The following ARB2A variants were observed in gnomAD, a reference collection of about 807,000 sequenced individuals.
ARB2A encodes the protein cotranscriptional regulator ARB2A.
At chr5:94,095,068 T>C in the ARB2A span, among the ~76,000 whole-genome samples, 2 of 152,178 alleles carry the variant, frequency 1.3e-5, no homozygotes, top group African/African-American at 4.8e-5. Context: ...GACAGAGTGT[T>C]CAGAGTTTTT....
chr5:93,766,686 T>C, the ARB2A span, among the ~76,000 whole-genome samples: 1 of 152,192 alleles, frequency 6.6e-6, no homozygotes, highest in African/African-American at 2.4e-5. Context: ...ATCTCATTAC[T>C]GGGGATATAC....
chr5:94,042,314 C>CTTTTTTT, the ARB2A span, among the ~76,000 whole-genome samples: 28 of 103,040 alleles, frequency 2.7e-4, no homozygotes, highest in Non-Finnish European at 3.1e-4. Context: ...AAAAGATCAG[C>CTTTTTTT]TTTTTTTTTT....
chr5:93,698,886 G>A, the ARB2A span, among the ~76,000 whole-genome samples: 4 of 152,296 alleles, frequency 2.6e-5, no homozygotes, highest in South Asian at 8.3e-4. Flanking sequence ...CATATGCTAT[G>A]GTGGGGGTCA....
At chr5:94,096,904 T>C in the ARB2A span, among the ~76,000 whole-genome samples, 5 of 150,418 alleles carry the variant, frequency 3.3e-5, no homozygotes, top group African/African-American at 1.2e-4. Context: ...AGAGAAGGAG[T>C]GAGTTAAACA....
the ARB2A span, among the ~76,000 whole-genome samples, chr5:93,912,991 T>C: frequency 2.0e-5 from 3 of 151,902 alleles, no homozygotes; most frequent in African/African-American, 7.2e-5. Context: ...TCAAAGTTCT[T>C]TCAGAGATAA....
the ARB2A span, among the ~76,000 whole-genome samples, chr5:93,630,284 G>C: frequency 6.6e-6 from 1 of 152,188 alleles, no homozygotes; most frequent in South Asian, 2.1e-4. Flanking sequence ...AATGGGGCGT[G>C]ATGGGGTGTG....
At chr5:93,865,484 C>T in the ARB2A span, 14 of 985,220 alleles carry the variant, frequency 1.4e-5, no homozygotes, top group Non-Finnish European at 1.7e-5. Flanking sequence ...TGAAGGTATA[C>T]TAAGACAATG....
the ARB2A span, among the ~76,000 whole-genome samples, chr5:94,007,315 T>G: frequency 1.3e-5 from 2 of 152,106 alleles, no homozygotes; most frequent in Non-Finnish European, 2.9e-5. Flanking sequence ...AGAAAAGCAA[T>G]AGTTGCAATA....
At chr5:93,946,714 G>T in the ARB2A span, among the ~76,000 whole-genome samples, 1 of 152,130 alleles carries the variant, frequency 6.6e-6, no homozygotes, top group African/African-American at 2.4e-5. Flanking sequence ...GATGGATTAG[G>T]AAAAGATAAC....
At chr5:93,844,737 G>A in the ARB2A span, among the ~76,000 whole-genome samples, 2 of 152,158 alleles carry the variant, frequency 1.3e-5, no homozygotes. Context: ...CCAGAAAGGT[G>A]ATACTAGTGT....
At chr5:94,053,220 T>C in the ARB2A span, 9 of 1,499,006 alleles carry the variant, frequency 6.0e-6, no homozygotes, top group African/African-American at 2.8e-5. Flanking sequence ...CTATCCTAGA[T>C]AATAAATCTA....
the ARB2A span, among the ~76,000 whole-genome samples, chr5:94,042,850 T>C: frequency 6.6e-6 from 1 of 152,182 alleles, no homozygotes; most frequent in African/African-American, 2.4e-5. Context: ...TATATAAACT[T>C]GTTATTAGTA....
chr5:93,623,853 T>C, the ARB2A span, among the ~76,000 whole-genome samples: 1 of 152,156 alleles, frequency 6.6e-6, no homozygotes, highest in Non-Finnish European at 1.5e-5. Flanking sequence ...TAAAAATGTC[T>C]TTTCTAAATT....
chr5:93,941,179 G>T, the ARB2A span, among the ~76,000 whole-genome samples: 3 of 151,960 alleles, frequency 2.0e-5, no homozygotes, highest in African/African-American at 7.3e-5. Flanking sequence ...CCAAAGCATT[G>T]ATTATAACTG....
chr5:93,866,191 A>G, the ARB2A span: 1 of 985,308 alleles, frequency 1.0e-6, no homozygotes, highest in Admixed American at 6.1e-5. Context: ...CAGTCTGTAC[A>G]AGAATTTCTG....
chr5:93,844,700 C>T, the ARB2A span, among the ~76,000 whole-genome samples: 1 of 152,074 alleles, frequency 6.6e-6, no homozygotes, highest in Non-Finnish European at 1.5e-5. Flanking sequence ...GCTAAGATGA[C>T]AGCTGGACAC....
At chr5:93,636,802 A>G in the ARB2A span, among the ~76,000 whole-genome samples, 2 of 152,194 alleles carry the variant, frequency 1.3e-5, no homozygotes, top group Non-Finnish European at 2.9e-5. Flanking sequence ...CATTTTATCC[A>G]AAGAGGATTT....
the ARB2A span, among the ~76,000 whole-genome samples, chr5:93,867,353 G>A: frequency 2.0e-5 from 3 of 152,176 alleles, no homozygotes; most frequent in Non-Finnish European, 4.4e-5. Flanking sequence ...CCTTATGGGA[G>A]AGAGGGGATT....
At chr5:93,719,376 A>C in the ARB2A span, among the ~76,000 whole-genome samples, 1 of 152,170 alleles carries the variant, frequency 6.6e-6, no homozygotes, top group Non-Finnish European at 1.5e-5. Context: ...TCTAATATTT[A>C]AAAGATTACA....
Sources: allele counts gnomAD v4.1 joint callset (sites outside exome capture counted in the v4.1 genomes callset), GRCh38; gene constraint gnomAD v4.1.1; transcripts MANE v1.5; gene names NCBI Gene and HGNC (gene_info 2026-07-23, HGNC 2026-07-21).